NCAM2: variants seen among roughly 807,000 people sequenced by gnomAD.
NCAM2 encodes N-CAM-2.
In NCAM2, 30 loss-of-function variants were observed where a neutral mutation model predicts 98.1. The observed-to-expected ratio is 0.31, with a 90% CI of 0.23 to 0.41. NCAM2 has a LOEUF of 0.41. NCAM2 is among the 10% of genes least tolerant of loss of function. The probability of loss-of-function intolerance (pLI) is 1.00; values close to 1 mark genes in which losing one functional copy is unlikely to be tolerated. For missense variants in NCAM2, 867 were observed against 1,005.8 expected, an observed-to-expected ratio of 0.86 and a Z score of 1.87; for synonymous variants, 368 against 342.4, an observed-to-expected ratio of 1.07 and a Z score of -0.83.
chr21:21,036,084 C>T (rs1391123288), intron 1 of NCAM2, among the ~76,000 whole-genome samples: 1 of 152,006 alleles, frequency 6.6e-6, no homozygotes, highest in African/African-American at 2.4e-5. Flanking sequence ...CGATAGCGCT[C>T]CAAAGTTAGT....
intron 6 of NCAM2, among the ~76,000 whole-genome samples, chr21:21,334,589 A>G (rs2074807049): frequency 6.6e-6 from 1 of 152,118 alleles, no homozygotes; most frequent in South Asian, 2.1e-4. Flanking sequence ...AAATCAATTC[A>G]GTCATGCAAA....
chr21:21,303,579 A>G (rs1259409231), intron 5 of NCAM2, among the ~76,000 whole-genome samples: 3 of 152,100 alleles, frequency 2.0e-5, no homozygotes, highest in Non-Finnish European at 2.9e-5. Context: ...ATATTTATAT[A>G]TTATCTTGGT....
At chr21:21,037,215 C>G (rs2064817611) in intron 1 of NCAM2, among the ~76,000 whole-genome samples, 1 of 152,128 alleles carries the variant, frequency 6.6e-6, no homozygotes, top group Non-Finnish European at 1.5e-5. Flanking sequence ...TTTTTGTAGA[C>G]AGGTTTTCCC....
intron 8 of NCAM2, among the ~76,000 whole-genome samples, chr21:21,370,968 A>G (rs1403552375): frequency 2.0e-5 from 3 of 151,880 alleles, no homozygotes; most frequent in East Asian, 3.9e-4. Context: ...GAAAGACAGG[A>G]GGACCTAATA....
At chr21:21,172,464 C>T (rs779475775) in intron 1 of NCAM2, among the ~76,000 whole-genome samples, 1 of 151,990 alleles carries the variant, frequency 6.6e-6, no homozygotes, top group Non-Finnish European at 1.5e-5. Context: ...CTGAAAAGTT[C>T]TGTAAAATGA....
chr21:21,035,308 A>T (rs902048562), intron 1 of NCAM2, among the ~76,000 whole-genome samples: 4 of 152,190 alleles, frequency 2.6e-5, no homozygotes, highest in African/African-American at 7.2e-5. Context: ...ATTCTATTGA[A>T]CTTATGCAAA....
chr21:21,388,645 T>C (rs2076318123), intron 9 of NCAM2, among the ~76,000 whole-genome samples: 1 of 152,224 alleles, frequency 6.6e-6, no homozygotes, highest in Admixed American at 6.5e-5. Flanking sequence ...GAAATTTTGA[T>C]TTCTTTTTAC....
chr21:21,375,386 A>G (rs966681324), intron 9 of NCAM2, among the ~76,000 whole-genome samples: 1 of 151,734 alleles, frequency 6.6e-6, no homozygotes, highest in East Asian at 1.9e-4. Context: ...ATAAAAGGCA[A>G]CTTGATTCTG....
At chr21:21,461,555 A>G (rs1201507617) in intron 12 of NCAM2, among the ~76,000 whole-genome samples, 1 of 151,970 alleles carries the variant, frequency 6.6e-6, no homozygotes, top group Admixed American at 6.6e-5. Flanking sequence ...ATGACACATC[A>G]TTATTAGATT....
intron 17 of NCAM2, among the ~76,000 whole-genome samples, chr21:21,537,297 T>G (rs985960132): frequency 6.6e-6 from 1 of 152,086 alleles, no homozygotes; most frequent in African/African-American, 2.4e-5. Flanking sequence ...TCCACCCGCC[T>G]CAGCATCCCA....
intron 12 of NCAM2, among the ~76,000 whole-genome samples, chr21:21,452,447 CG>C (rs1176095892): frequency 2.2e-5 from 3 of 137,584 alleles, no homozygotes; most frequent in African/African-American, 8.1e-5. Flanking sequence ...TTTACATTGT[CG>C]GGGGGGAAGA....
chr21:21,452,727 A>G (rs1263307349), intron 12 of NCAM2, among the ~76,000 whole-genome samples: 1 of 108,954 alleles, frequency 9.2e-6, no homozygotes, highest in East Asian at 2.6e-4. Flanking sequence ...TACTTTATAT[A>G]TTATATAATA....
chr21:21,496,913 G>A (rs1215781694), intron 15 of NCAM2, among the ~76,000 whole-genome samples: 1 of 151,970 alleles, frequency 6.6e-6, no homozygotes, highest in East Asian at 1.9e-4. Flanking sequence ...GGTTGTAGGT[G>A]TGTGGCATTA....
intron 8 of NCAM2, among the ~76,000 whole-genome samples, chr21:21,365,097 C>G (rs532540431): frequency 6.6e-6 from 1 of 152,156 alleles, no homozygotes; most frequent in South Asian, 2.1e-4. Flanking sequence ...TGGGTGACAA[C>G]GTGTGCTGGA....
intron 16 of NCAM2, 67 bp from the exon 17 acceptor site, chr21:21,534,470 C>T: frequency 1.5e-6 from 2 of 1,310,206 alleles, no homozygotes; most frequent in South Asian, 2.0e-5. Context: ...ATTTTAAACT[C>T]TGTTTTTTTC....
At chr21:21,469,635 T>A (rs1984175333) in intron 14 of NCAM2, among the ~76,000 whole-genome samples, 1 of 151,976 alleles carries the variant, frequency 6.6e-6, no homozygotes, top group South Asian at 2.1e-4. Context: ...TCCATAGTAG[T>A]GTGTGGGTTA....
At chr21:21,405,097 A>G (rs2076712751) in intron 9 of NCAM2, among the ~76,000 whole-genome samples, 1 of 151,942 alleles carries the variant, frequency 6.6e-6, no homozygotes, top group Non-Finnish European at 1.5e-5. Flanking sequence ...TATAACAAAT[A>G]TATTATTATT....
intron 12 of NCAM2, among the ~76,000 whole-genome samples, chr21:21,445,975 T>C (rs561298961): frequency 2.4e-4 from 36 of 152,248 alleles, no homozygotes; most frequent in African/African-American, 7.9e-4. Flanking sequence ...GGTACCAGTT[T>C]TTCCTTTCCA....
intron 8 of NCAM2, 135 bp downstream of exon 8, chr21:21,338,669 G>A (rs1295987792): frequency 1.1e-6 from 1 of 912,440 alleles, no homozygotes; most frequent in East Asian, 2.9e-5. Context: ...TTTTAAAAAG[G>A]TAACTAACAC....
Sources: gnomAD v4.1 joint callset for allele counts (sites outside exome capture counted in the v4.1 genomes callset) on GRCh38, gnomAD v4.1.1 for gene constraint, MANE v1.5 for transcripts, NCBI Gene and HGNC (gene_info 2026-07-23, HGNC 2026-07-21) for gene names.